The following CCDC175 variants were observed in gnomAD, a reference collection of about 807,000 sequenced individuals.
CCDC175 encodes the protein coiled-coil domain containing 175.
CCDC175 carries 100 observed loss-of-function variants against 114.6 expected under a neutral mutation model. That is an observed-to-expected ratio of 0.87 (90% CI 0.74 to 1.03). CCDC175 has a LOEUF of 1.03. Among genes scored for constraint, CCDC175 ranks in the 50% least tolerant of loss-of-function variants. The probability of loss-of-function intolerance (pLI) is 0.00; values close to 1 mark genes in which losing one functional copy is unlikely to be tolerated. For missense variants in CCDC175, 880 were observed against 917.8 expected (o/e 0.96, Z 0.53); for synonymous variants, 306 against 308.7 (o/e 0.99, Z 0.09).
chr14:59,572,659 A>G (rs1303885433), intron 3 of CCDC175, 43 bp downstream of exon 3: 5 of 1,087,156 alleles, frequency 4.6e-6, no homozygotes, highest in African/African-American at 1.6e-5. Context: ...TCATTCTGTT[A>G]TAAGATCAAC....
intron 16 of CCDC175, among the ~76,000 whole-genome samples, chr14:59,524,900 C>T (rs942653901): frequency 1.3e-5 from 2 of 152,166 alleles, no homozygotes; most frequent in African/African-American, 4.8e-5. Flanking sequence ...TAACAAACTA[C>T]ACTCAACAAT....
intron 6 of CCDC175, among the ~76,000 whole-genome samples, chr14:59,563,020 A>C (rs11158263): frequency 0.46 from 70,254 of 151,976 alleles, 18,144 homozygotes; most frequent in East Asian, 0.82. Context: ...ATAGGTTTGC[A>C]TGTGATTTTT....
rs761688330 is a variant in CCDC175, at chr14:59,576,632, C to G, written c.144G>C (p.Gln48His). The G allele has an allele frequency of 6.8e-7, 1 of 1,472,218 alleles. No homozygotes were observed. The highest frequency in any genetic ancestry group is 2.8e-5 in the East Asian group (1 of 35,416). 91.2% of individuals were successfully genotyped at this position (1,472,218 alleles called of 1,614,324 possible). Residue 48 changes from glutamine (Q) to histidine (H), a missense_variant, in exon 1 of 20, where the codon CAG becomes CAC. Physicochemically the swap from Gln to His is conservative, Grantham distance 24 (BLOSUM62 0). Transcript: ENST00000537690. ...GSSVAVEALE[Q>H]LFVVEQSLQS... ...GGGGCGTCTTACCCACAACAAACAG[C>G]TGCTCCAGCGCCTCGACCGCGACCG...
chr14:59,569,064 A>C lies in CCDC175; in HGVS notation c.356-684T>G, dbSNP rs537608027. On this transcript the variant is annotated intron_variant, in intron 3 of 19. Coordinates refer to ENST00000537690, the MANE Select transcript of CCDC175 (RefSeq NM_001164399.2). Reference sequence around the variant, plus strand: ...AATAATTATTCATCCATAAATAATAAGTCAGTGTAATCACGTATGACTTCA... The same window carrying C: ...AATAATTATTCATCCATAAATAATACGTCAGTGTAATCACGTATGACTTCA... Among the ~76,000 whole-genome samples, 34 of 152,374 alleles carry C rather than the reference A, an allele frequency of 2.2e-4. 1 individual carries two copies. Among genetic ancestry groups the C allele is most frequent in the African/African-American group, 7.7e-4 (32 of 41,586 alleles).
intron 17 of CCDC175, among the ~76,000 whole-genome samples, chr14:59,513,313 G>C (rs1202226672): frequency 1.3e-5 from 2 of 152,140 alleles, no homozygotes; most frequent in Non-Finnish European, 1.5e-5. Flanking sequence ...GTGTCAGAAA[G>C]TGGGTGCAGG....
chr14:59,552,558 C>T (rs566926005), intron 7 of CCDC175, among the ~76,000 whole-genome samples: 5 of 152,244 alleles, frequency 3.3e-5, no homozygotes, highest in South Asian at 2.1e-4. Flanking sequence ...AAAATCAGAG[C>T]ACCTCCCCCC....
At chr14:59,523,754 C>T (rs1344484981) in intron 16 of CCDC175, among the ~76,000 whole-genome samples, 2 of 152,280 alleles carry the variant, frequency 1.3e-5, no homozygotes, top group East Asian at 3.9e-4. Context: ...CTATGGGAGG[C>T]CGAGGCGGGC....
chr14:59,550,807 T>C (rs1034515005), intron 8 of CCDC175, among the ~76,000 whole-genome samples: 6 of 152,154 alleles, frequency 3.9e-5, no homozygotes, highest in African/African-American at 1.2e-4. Context: ...GGCAGCTGAT[T>C]AGATGCTGCC....
At chr14:59,571,496 T>C (rs547433299) in intron 3 of CCDC175, among the ~76,000 whole-genome samples, 43 of 152,282 alleles carry the variant, frequency 2.8e-4, no homozygotes, top group Admixed American at 2.3e-3. Context: ...AAATGGCCAA[T>C]GAGCAGACAA....
chr14:59,539,536 T>C (rs1894630743), intron 11 of CCDC175, among the ~76,000 whole-genome samples: 1 of 151,462 alleles, frequency 6.6e-6, no homozygotes. Flanking sequence ...GCTGAGATTG[T>C]GCCATTGCAC....
Position 59,543,373 on chromosome 14 carries a change from T to C in CCDC175, c.1254A>G (p.Glu418=), listed in dbSNP as rs747399764. 32 of 1,462,142 alleles carry C rather than the reference T, an allele frequency of 2.2e-5. No individual in the cohort carries two copies. Among genetic ancestry groups the C allele is most frequent in the Non-Finnish European group, 2.9e-5 (32 of 1,095,482 alleles). 90.6% of individuals were successfully genotyped at this position (1,462,142 alleles called of 1,614,324 possible). A position where few individuals can be genotyped will look rare whatever the true frequency, so the allele number is the denominator to read the frequency against. Residue 418 remains glutamate, a synonymous_variant, in exon 10 of 20, where the codon GAA becomes GAG. Coordinates refer to ENST00000537690, the MANE Select transcript of CCDC175 (RefSeq NM_001164399.2). ...QKRVDIKNME[E]GLITLQELQQ... is the part of the protein sequence containing the mutation. ...GAAGTTCCTGGAGTGTGATGAGTCCTTCTTCCATATTTTTGATGTCTACTC... is the reference window on the plus strand; with the variant it reads ...GAAGTTCCTGGAGTGTGATGAGTCCCTCTTCCATATTTTTGATGTCTACTC...
In CCDC175 at chr14:59,550,624, G is replaced by A. The variant is rs530799854; in HGVS notation, c.1035+731C>T. Among the ~76,000 whole-genome samples the A allele has an allele frequency of 3.3e-5, 5 of 152,230 alleles. No homozygotes were observed. In the East Asian group the frequency reaches 9.6e-4, roughly 29 times the overall value. On this transcript the variant is annotated intron_variant, in intron 8 of 19. Coordinates refer to ENST00000537690, the MANE Select transcript of CCDC175 (RefSeq NM_001164399.2). ...ACACAATCACAAGGTCCCACAATAG[G>A]CCATCTGCAAGCTGAGGAGCCAGGA...
intron 10 of CCDC175, among the ~76,000 whole-genome samples, chr14:59,542,615 A>T (rs1894851386): frequency 6.6e-6 from 1 of 152,138 alleles, no homozygotes; most frequent in Admixed American, 6.6e-5. Context: ...TATAATCTGC[A>T]TAGAATACTA....
chr14:59,513,578 C>A (rs1205503454), intron 17 of CCDC175, among the ~76,000 whole-genome samples: 1 of 152,212 alleles, frequency 6.6e-6, no homozygotes, highest in East Asian at 1.9e-4. Context: ...GCTAGCACAG[C>A]AGTCTGAGAT....
Position 59,538,034 on chromosome 14 carries a change from T to C in CCDC175, c.1612A>G (p.Ser538Gly). The C allele has an allele frequency of 6.5e-7, 1 of 1,528,118 alleles. No homozygotes were observed. The highest frequency in any genetic ancestry group is 8.8e-7 in the Non-Finnish European group (1 of 1,139,562). 94.7% of individuals were successfully genotyped at this position (1,528,118 alleles called of 1,614,324 possible). A position where few individuals can be genotyped will look rare whatever the true frequency, so the allele number is the denominator to read the frequency against. Residue 538 changes from serine (S) to glycine (G), a missense_variant, in exon 13 of 20, where the codon AGC (serine) becomes GGC (glycine). By Grantham distance (56) the Ser-to-Gly change is moderately conservative (BLOSUM62 0). Coordinates refer to ENST00000537690, the MANE Select transcript of CCDC175 (RefSeq NM_001164399.2). ...AAAATAAAATTTACCTCATACTTGC[T>C]TAACTCTTTCATTAACATTTTTTCT... ...NKEKMLMKELSKYEEIFVKET... is the reference protein window; with the variant it reads ...NKEKMLMKELGKYEEIFVKET...
intron 8 of CCDC175, among the ~76,000 whole-genome samples, chr14:59,549,573 A>G (rs2140064959): frequency 6.6e-6 from 1 of 152,020 alleles, no homozygotes; most frequent in Non-Finnish European, 1.5e-5. Flanking sequence ...TACAAAAATT[A>G]GCCAGGTGTC....
chr14:59,542,106 T>C (rs1318550584), intron 10 of CCDC175, among the ~76,000 whole-genome samples: 1 of 152,198 alleles, frequency 6.6e-6, no homozygotes, highest in East Asian at 1.9e-4. Context: ...TTAAATCATG[T>C]GTCTCCCTTT....
In CCDC175 at chr14:59,538,784, G is replaced by T; in HGVS notation, c.1412C>A (p.Ala471Asp). Residue 471 changes from alanine to aspartate, a missense_variant, in exon 12 of 20, where the codon GCC becomes GAC. By Grantham distance (126) the Ala-to-Asp change is moderately radical. Coordinates refer to ENST00000537690, the MANE Select transcript of CCDC175 (RefSeq NM_001164399.2). The stretch of plus-strand genomic sequence containing the variant: ...AGCTTGTATTTCAGCTTTTATCTTG[G>T]CTGTCCAACGTGCATGCTTTTTTCT... Reference protein sequence around the residue: ...CLRKKHARWTAKIKAEIQAIT... With the variant: ...CLRKKHARWTDKIKAEIQAIT... 6.5e-7 allele frequency: 1 copy of T among 1,536,044 alleles called. No homozygotes were observed. The highest frequency in any genetic ancestry group is 1.7e-4 in the Middle Eastern group (1 of 5,974).
At chr14:59,575,455 T>C (rs1211205193) in intron 1 of CCDC175, among the ~76,000 whole-genome samples, 1 of 148,834 alleles carries the variant, frequency 6.7e-6, no homozygotes, top group East Asian at 2.0e-4. Flanking sequence ...CAGATACATG[T>C]GAATAATTTA....
Sources: allele counts gnomAD v4.1 joint callset (sites outside exome capture counted in the v4.1 genomes callset), GRCh38; gene constraint gnomAD v4.1.1; transcripts MANE v1.5; gene names NCBI Gene and HGNC (gene_info 2026-07-23, HGNC 2026-07-21).